PRKG1: variants seen among roughly 807,000 people sequenced by gnomAD.
PRKG1 encodes cGMP-dependent protein kinase 1.
In PRKG1, 35 loss-of-function variants were observed where a neutral mutation model predicts 88.1. The ratio of observed to expected loss-of-function variants is 0.40; its 90% confidence interval spans 0.30 to 0.53. The LOEUF (loss-of-function observed/expected upper bound fraction) is 0.53, where lower values mean the gene tolerates loss of function less well. Among genes scored for constraint, PRKG1 ranks in the 20% least tolerant of loss-of-function variants. The pLI, the probability that PRKG1 is intolerant of heterozygous loss-of-function variation, is 0.59. For synonymous variants in PRKG1, 303 were observed against 292.5 expected (o/e 1.04, Z -0.37); for missense variants, 540 against 839.8 (o/e 0.64, Z 4.41).
intron 3 of PRKG1, among the ~76,000 whole-genome samples, chr10:51,476,775 C>T (rs932004772): frequency 6.6e-6 from 1 of 152,016 alleles, no homozygotes; most frequent in Non-Finnish European, 1.5e-5. Context: ...ATTCCTCCCC[C>T]TGGATTAAGT....
rs75300109 is a variant in PRKG1 at position 51,369,494 on chromosome 10, T to C, written c.479-98229T>C. On this transcript the variant is annotated intron_variant, in intron 2 of 17. Coordinates refer to ENST00000373980, the MANE Select transcript of PRKG1 (RefSeq NM_006258.4). ...AGCCTATAGTAGGGAGTATCTCATCTCTTTCATGTCTGGAAGGTAAACAAA... is the reference window on the plus strand; with the variant it reads ...AGCCTATAGTAGGGAGTATCTCATCCCTTTCATGTCTGGAAGGTAAACAAA... Among the ~76,000 whole-genome samples, 473 of 152,172 alleles carry C rather than the reference T, an allele frequency of 3.1e-3. 2 individuals carry two copies. Among genetic ancestry groups the C allele is most frequent in the African/African-American group, 0.011 (448 of 41,534 alleles).
intron 1 of PRKG1, among the ~76,000 whole-genome samples, chr10:51,124,913 C>A (rs999595635): frequency 6.6e-6 from 1 of 152,174 alleles, no homozygotes; most frequent in Admixed American, 6.5e-5. Context: ...AGATGCTCTC[C>A]TTTGAGTTGA....
chr10:51,004,261 C>T (rs897040962), intron 1 of PRKG1, among the ~76,000 whole-genome samples: 5 of 152,084 alleles, frequency 3.3e-5, no homozygotes, highest in African/African-American at 9.7e-5. Context: ...GCTGGGAGTT[C>T]GAGACCAGCT....
chr10:51,608,963 T>C (rs941036001), intron 3 of PRKG1, among the ~76,000 whole-genome samples: 1 of 152,132 alleles, frequency 6.6e-6, no homozygotes, highest in African/African-American at 2.4e-5. Flanking sequence ...TGTAGTGCTG[T>C]ATGATGAGTT....
Position 52,074,686 on chromosome 10 carries a change from A to AATAAATCATGACTTGCT in PRKG1, c.935+12065_935+12081dup, listed in dbSNP as rs1167403999. Among the ~76,000 whole-genome samples, 9 of 152,316 alleles carry AATAAATCATGACTTGCT rather than the reference A, an allele frequency of 5.9e-5. No individual in the cohort carries two copies. The East Asian group carries it at 1.7e-3, about 29-fold the overall frequency. ...TTAATTTTTCCTTTATACAATTGTT[A>AATAAATCATGACTTGCT]ATAAATCATGACTTGCTATAAATCA... On this transcript the variant is annotated intron_variant, in intron 7 of 17. Coordinates refer to ENST00000373980, the MANE Select transcript of PRKG1 (RefSeq NM_006258.4).
intron 5 of PRKG1, among the ~76,000 whole-genome samples, chr10:51,950,411 T>A (rs1843154325): frequency 6.6e-6 from 1 of 152,248 alleles, no homozygotes; most frequent in Non-Finnish European, 1.5e-5. Flanking sequence ...TATGAGAGGC[T>A]TTTTGGAAGA....
chr10:51,804,444 G>C (rs1839253004), intron 3 of PRKG1, 141 bp from the exon 4 acceptor site: 1 of 622,990 alleles, frequency 1.6e-6, no homozygotes, highest in South Asian at 2.0e-5. Context: ...ATAGCATTGT[G>C]ATATTAGCTT....
intron 9 of PRKG1, among the ~76,000 whole-genome samples, chr10:52,196,920 G>A (rs1839520939): frequency 6.6e-6 from 1 of 152,154 alleles, no homozygotes; most frequent in Non-Finnish European, 1.5e-5. Context: ...AGTAGAAAGT[G>A]CTATTTAGTG....
chr10:52,021,748 G>A (rs984041327), intron 5 of PRKG1, among the ~76,000 whole-genome samples: 5 of 152,038 alleles, frequency 3.3e-5, no homozygotes, highest in African/African-American at 7.2e-5. Context: ...TGTTGTTGAC[G>A]ATGAAAAAAT....
intron 3 of PRKG1, among the ~76,000 whole-genome samples, chr10:51,703,145 T>C (rs1307395639): frequency 6.6e-6 from 1 of 152,192 alleles, no homozygotes; most frequent in African/African-American, 2.4e-5. Flanking sequence ...CCTGACCAGA[T>C]TTGGCAAAAA....
intron 3 of PRKG1, among the ~76,000 whole-genome samples, chr10:51,617,677 G>C (rs1214035892): frequency 6.6e-6 from 1 of 152,150 alleles, no homozygotes; most frequent in East Asian, 1.9e-4. Context: ...AAAGCAATAG[G>C]CTATACCATC....
At chr10:51,294,708 A>T (rs1336717608) in intron 2 of PRKG1, among the ~76,000 whole-genome samples, 2 of 152,012 alleles carry the variant, frequency 1.3e-5, no homozygotes, top group African/African-American at 4.8e-5. Context: ...TACTGTTTTG[A>T]TTATTATAGC....
chr10:51,784,802 C>G (rs1026198285), intron 3 of PRKG1, among the ~76,000 whole-genome samples: 20 of 152,030 alleles, frequency 1.3e-4, no homozygotes, highest in Non-Finnish European at 1.9e-4. Context: ...ATAAATTTAG[C>G]TTGAAAAATA....
intron 2 of PRKG1, among the ~76,000 whole-genome samples, chr10:51,217,502 G>A (rs1007422549): frequency 6.6e-6 from 1 of 152,122 alleles, no homozygotes; most frequent in African/African-American, 2.4e-5. Context: ...AGAACATTGT[G>A]AGGGTGTTGG....
intron 5 of PRKG1, among the ~76,000 whole-genome samples, chr10:51,952,147 T>A (rs1344380977): frequency 6.6e-6 from 1 of 152,184 alleles, no homozygotes; most frequent in East Asian, 1.9e-4. Flanking sequence ...AGAGGATAAG[T>A]TAGAGAAGTT....
chr10:51,809,250 T>C (rs1272604613), intron 4 of PRKG1, among the ~76,000 whole-genome samples: 1 of 151,564 alleles, frequency 6.6e-6, no homozygotes, highest in Non-Finnish European at 1.5e-5. Context: ...TATTTCAGAT[T>C]CCCTGATGTA....
intron 3 of PRKG1, among the ~76,000 whole-genome samples, chr10:51,641,468 A>G (rs1211047833): frequency 6.6e-6 from 1 of 152,122 alleles, no homozygotes; most frequent in African/African-American, 2.4e-5. Flanking sequence ...AAGAGAGAGA[A>G]TATTTCTGCT....
chr10:51,628,024 T>C (rs10998558), intron 3 of PRKG1, among the ~76,000 whole-genome samples: 2,069 of 134,782 alleles, frequency 0.015, 53 homozygotes, highest in Middle Eastern at 0.027. Flanking sequence ...CTTTCTTTCT[T>C]TCTTTCTTTC....
intron 2 of PRKG1, 140 bp from the exon 3 acceptor site, chr10:51,467,583 G>A: frequency 1.8e-6 from 1 of 566,616 alleles, no homozygotes. Flanking sequence ...TTTATTTCTT[G>A]CGCTGCCTCG....
Sources: allele counts gnomAD v4.1 joint callset (sites outside exome capture counted in the v4.1 genomes callset), GRCh38; gene constraint gnomAD v4.1.1; transcripts MANE v1.5; gene names NCBI Gene and HGNC (gene_info 2026-07-23, HGNC 2026-07-21).